SLC44A1: variants seen among roughly 807,000 people sequenced by gnomAD.
SLC44A1 encodes choline transporter-like protein 1.
In SLC44A1, 26 loss-of-function variants were observed where a neutral mutation model predicts 79.3. That is an observed-to-expected ratio of 0.33 (90% CI 0.24 to 0.46). The LOEUF is 0.46. SLC44A1 is among the 20% of genes least tolerant of loss of function. SLC44A1 has a pLI of 1.00. For missense variants in SLC44A1, 688 were observed against 798.1 expected (o/e 0.86, Z 1.66); for synonymous variants, 263 against 286.2 (o/e 0.92, Z 0.82).
intron 15 of SLC44A1, among the ~76,000 whole-genome samples, chr9:105,434,124 G>T (rs1257045944): frequency 6.6e-6 from 1 of 152,180 alleles, no homozygotes; most frequent in African/African-American, 2.4e-5. Flanking sequence ...GAACATTTGA[G>T]TTTAGGAGTT....
intron 15 of SLC44A1, among the ~76,000 whole-genome samples, chr9:105,423,535 A>T (rs1271578451): frequency 6.6e-6 from 1 of 152,212 alleles, no homozygotes; most frequent in African/African-American, 2.4e-5. Context: ...TTTAGAAATT[A>T]AGGACATGTG....
intron 1 of SLC44A1, among the ~76,000 whole-genome samples, chr9:105,281,079 T>A (rs1464974804): frequency 2.0e-5 from 3 of 152,138 alleles, no homozygotes; most frequent in African/African-American, 7.2e-5. Context: ...AAGATAGACA[T>A]AACAGAGCAA....
intron 15 of SLC44A1, among the ~76,000 whole-genome samples, chr9:105,403,869 G>A (rs375540526): frequency 1.4e-5 from 2 of 146,554 alleles, no homozygotes; most frequent in Non-Finnish European, 3.0e-5. Flanking sequence ...GGTCAGTAGG[G>A]ATCAGATCTC....
chr9:105,257,665 T>C (rs546933380), intron 1 of SLC44A1, among the ~76,000 whole-genome samples: 3 of 152,224 alleles, frequency 2.0e-5, no homozygotes, highest in Non-Finnish European at 4.4e-5. Context: ...GGAGTTGGCT[T>C]CCTGAAAATG....
chr9:105,376,669 C>T (rs181409110), intron 13 of SLC44A1, among the ~76,000 whole-genome samples: 214 of 152,160 alleles, frequency 1.4e-3, no homozygotes, highest in African/African-American at 4.8e-3. Flanking sequence ...CCACTGCCCA[C>T]GGCGTTTTTT....
chr9:105,256,700 C>G (rs140631463), intron 1 of SLC44A1, among the ~76,000 whole-genome samples: 1,528 of 151,206 alleles, frequency 0.01, 10 homozygotes, highest in South Asian at 0.028. Context: ...GTAGCTGGGA[C>G]TACAGGCATG....
At position 105,435,979 on chromosome 9, in the gene SLC44A1, C is replaced by A. The variant is rs1290086137; in HGVS notation, c.1951-2302C>A. Among the ~76,000 whole-genome samples the A allele has an allele frequency of 2.0e-5, 3 of 152,242 alleles. No homozygotes were observed. In the East Asian group the frequency reaches 5.8e-4, roughly 29 times the overall value. ...TCGGGAGGCCAAGGCCTGCGGACCA[C>A]CTGAGGTCAGGAGTTTGTGACCAGC... On this transcript the variant is annotated intron_variant, in intron 15 of 15. Coordinates refer to the SLC44A1 transcript ENST00000374724.
intron 15 of SLC44A1, among the ~76,000 whole-genome samples, chr9:105,427,556 G>A (rs573419425): frequency 6.6e-6 from 1 of 152,128 alleles, no homozygotes; most frequent in Admixed American, 6.5e-5. Flanking sequence ...ATTCAGGGGT[G>A]AGCCACTGCA....
At chr9:105,303,400 G>A (rs1451996601) in intron 2 of SLC44A1, among the ~76,000 whole-genome samples, 1 of 152,000 alleles carries the variant, frequency 6.6e-6, no homozygotes. Context: ...ACCACAAAAA[G>A]GCAAGAAGGG....
downstream of SLC44A1, among the ~76,000 whole-genome samples, chr9:105,398,420 A>G (rs1206837133): frequency 1.3e-5 from 2 of 152,182 alleles, no homozygotes; most frequent in Non-Finnish European, 2.9e-5. Flanking sequence ...ATTCTGTAGA[A>G]TATTAACCGA....
chr9:105,354,039 C>CTTTTTT lies in SLC44A1; in HGVS notation c.501-2149_501-2144dup, dbSNP rs556502972. On this transcript the variant is annotated intron_variant, in intron 5 of 15. Coordinates refer to ENST00000374720, the MANE Select transcript of SLC44A1 (RefSeq NM_080546.5). ...TTGACTTAGAAATTTACAGTTAATC[C>CTTTTTT]TTTTTTTTTTTTTTTTTTTTTTTTT... Among the ~76,000 whole-genome samples, 26 of 98,482 alleles carry CTTTTTT rather than the reference C, an allele frequency of 2.6e-4. 1 individual carries two copies. Among genetic ancestry groups the CTTTTTT allele is most frequent in the African/African-American group, 9.1e-4 (18 of 19,764 alleles). The allele number at this position is 98,482 out of a possible 152,430, so 64.6% of individuals were successfully genotyped here.
At position 105,390,216 on chromosome 9, in the gene SLC44A1, CA is replaced by C; in HGVS notation, c.*1161del. 1 of 1,125,392 alleles carries C rather than the reference CA, an allele frequency of 8.9e-7. No homozygotes were observed. The highest frequency in any genetic ancestry group is 1.1e-6 in the Non-Finnish European group (1 of 920,174). 69.7% of individuals were successfully genotyped at this position (1,125,392 alleles called of 1,614,324 possible). A position where few individuals can be genotyped will look rare whatever the true frequency, so the allele number is the denominator to read the frequency against. On this transcript the variant is annotated 3_prime_UTR_variant, in exon 16 of 16. Coordinates refer to ENST00000374720, the MANE Select transcript of SLC44A1 (RefSeq NM_080546.5). Reference sequence around the variant, plus strand: ...TTGCTTTTTTATTCCTGAAGCTTACCAGATATGAATGGCTAATACTCCATTG... The same window carrying C: ...TTGCTTTTTTATTCCTGAAGCTTACCGATATGAATGGCTAATACTCCATTG...
chr9:105,373,619 A>G (rs1207163840), intron 12 of SLC44A1, among the ~76,000 whole-genome samples: 1 of 151,442 alleles, frequency 6.6e-6, no homozygotes, highest in Non-Finnish European at 1.5e-5. Flanking sequence ...ATTAGCTTCT[A>G]TAACTGAAAA....
At chr9:105,272,652 G>A (rs774051151) in intron 1 of SLC44A1, among the ~76,000 whole-genome samples, 23 of 151,686 alleles carry the variant, frequency 1.5e-4, no homozygotes, top group Middle Eastern at 3.4e-3. Flanking sequence ...TAGCTAGTAA[G>A]CAAATGAGTT....
Position 105,364,670 on chromosome 9 carries a change from A to C in SLC44A1, c.1203A>C (p.Ala401=), listed in dbSNP as rs542681852. 2 of 1,614,084 alleles carry C rather than the reference A, an allele frequency of 1.2e-6. No individual in the cohort carries two copies. The highest frequency in any genetic ancestry group is 2.2e-5 in the East Asian group (1 of 44,884). The change falls in exon 10 of 16, where the codon GCA becomes GCC. Residue 401 remains alanine (A), a synonymous_variant. Transcript: ENST00000374720. Reference sequence around the variant, plus strand: ...TTTGGATCAGTGAATTTATTCTAGCATGTCAGCAGATGACAGTGGCAGGAG... The same window carrying C: ...TTTGGATCAGTGAATTTATTCTAGCCTGTCAGCAGATGACAGTGGCAGGAG... ...GLIWISEFIL[A]CQQMTVAGAV...
At chr9:105,400,616 A>C (rs1424029277), downstream of SLC44A1, among the ~76,000 whole-genome samples, 1 of 152,244 alleles carries the variant, frequency 6.6e-6, no homozygotes, top group Non-Finnish European at 1.5e-5. Context: ...TGTCTTTGAC[A>C]TTAAAGACAC....
At chr9:105,377,918 G>A (rs1828342975) in intron 13 of SLC44A1, among the ~76,000 whole-genome samples, 1 of 151,878 alleles carries the variant, frequency 6.6e-6, no homozygotes, top group Non-Finnish European at 1.5e-5. Context: ...ACTGTTACAG[G>A]TCCTGGTTAT....
At chr9:105,258,563 A>C (rs888713948) in intron 1 of SLC44A1, among the ~76,000 whole-genome samples, 1 of 152,178 alleles carries the variant, frequency 6.6e-6, no homozygotes, top group African/African-American at 2.4e-5. Context: ...AAGCCTGTGC[A>C]CTTCCTGCTG....
chr9:105,283,227 A>C (rs983354098), intron 1 of SLC44A1, among the ~76,000 whole-genome samples: 2 of 152,182 alleles, frequency 1.3e-5, no homozygotes, highest in African/African-American at 2.4e-5. Flanking sequence ...TTTTATCCAA[A>C]GATAGTAAGG....
Sources: gnomAD v4.1 joint callset for allele counts (sites outside exome capture counted in the v4.1 genomes callset) on GRCh38, gnomAD v4.1.1 for gene constraint, MANE v1.5 for transcripts, NCBI Gene and HGNC (gene_info 2026-07-23, HGNC 2026-07-21) for gene names.